Variants in BTC observed in about 807,000 individuals in gnomAD.
The protein encoded by BTC is probetacellulin.
In BTC, 13 loss-of-function variants were observed where a neutral mutation model predicts 18.1. The ratio of observed to expected loss-of-function variants is 0.72; its 90% CI spans 0.47 to 1.14. The LOEUF is 1.14. BTC is among the 50% of genes most tolerant of loss of function. The pLI is 0.00. For missense variants in BTC, 247 were observed against 224.2 expected, an observed-to-expected ratio of 1.10 and a Z score of -0.65; for synonymous variants, 83 against 79.4, an observed-to-expected ratio of 1.05 and a Z score of -0.24.
At chr4:74,748,234 G>A in intron 4 of BTC, 85 bp from the exon 5 acceptor site, 1 of 870,090 alleles carries the variant, frequency 1.1e-6, no homozygotes, top group Non-Finnish European at 1.8e-6. Flanking sequence ...CTATGATCAG[G>A]TTTCTTTTTT....
intron 2 of BTC, 66 bp from the exon 3 acceptor site, chr4:74,756,042 A>T: frequency 7.7e-7 from 1 of 1,306,376 alleles, no homozygotes; most frequent in Non-Finnish European, 1.1e-6. Flanking sequence ...ATAGAATCAT[A>T]TTCTTATCTT....
In BTC at chr4:74,746,151, G is replaced by T. The variant is rs1340157517; in HGVS notation, c.*526C>A. On this transcript the variant is annotated 3_prime_UTR_variant, in exon 6 of 6. Transcript: ENST00000395743. Reference sequence around the variant, plus strand: ...TGATTTAGATAAATCTTGATTTCTAGTCTGTCTCTACCAATCTCCAACTCT... The same window carrying T: ...TGATTTAGATAAATCTTGATTTCTATTCTGTCTCTACCAATCTCCAACTCT... 6.6e-6 allele frequency: 1 copy of T among 152,122 alleles called. No individual in the cohort carries two copies. Among genetic ancestry groups the T allele is most frequent in the Admixed American group, 6.5e-5 (1 of 15,276 alleles). The allele number at this position is 152,122 out of a possible 1,614,324, so 9.4% of individuals were successfully genotyped here. A position where few individuals can be genotyped will look rare whatever the true frequency, so the allele number is the denominator to read the frequency against.
intron 1 of BTC, among the ~76,000 whole-genome samples, chr4:74,770,759 G>A (rs1305168803): frequency 6.6e-6 from 1 of 151,990 alleles, no homozygotes; most frequent in African/African-American, 2.4e-5. Flanking sequence ...TGTAGATACT[G>A]ATTCAAACAA....
intron 1 of BTC, among the ~76,000 whole-genome samples, chr4:74,785,446 T>A (rs183610073): frequency 9.6e-4 from 146 of 152,264 alleles, no homozygotes; most frequent in East Asian, 7.5e-3. Context: ...TCTTGGGTAT[T>A]TTTTTGTCTT....
intron 2 of BTC, among the ~76,000 whole-genome samples, chr4:74,758,165 G>C (rs1724653564): frequency 6.6e-6 from 1 of 152,192 alleles, no homozygotes; most frequent in Admixed American, 6.5e-5. Context: ...GCAGGCAGTG[G>C]GAGGCAGATT....
intron 2 of BTC, among the ~76,000 whole-genome samples, chr4:74,769,431 T>C (rs985010976): frequency 6.6e-6 from 1 of 152,094 alleles, no homozygotes; most frequent in South Asian, 2.1e-4. Context: ...TTGCATAGTG[T>C]CTATGACTGC....
chr4:74,776,797 T>G (rs1373869819), intron 1 of BTC, among the ~76,000 whole-genome samples: 1 of 152,212 alleles, frequency 6.6e-6, no homozygotes. Context: ...TAGAGCCAAG[T>G]GCATTTTGTA....
At chr4:74,774,509 C>A (rs1475573716) in intron 1 of BTC, among the ~76,000 whole-genome samples, 1 of 151,640 alleles carries the variant, frequency 6.6e-6, no homozygotes, top group Non-Finnish European at 1.5e-5. Flanking sequence ...TTAGTACTAT[C>A]TGATTTTTTA....
chr4:74,761,134 GA>G (rs71657340), intron 2 of BTC, among the ~76,000 whole-genome samples: 19 of 150,050 alleles, frequency 1.3e-4, no homozygotes, highest in African/African-American at 2.9e-4. Context: ...CCCTTTGGAG[GA>G]AAAAAAAAAG....
Position 74,745,276 on chromosome 4 carries a change from A to C in BTC, c.*1401T>G, listed in dbSNP as rs1724260830. ...ATGTATCATATGTAAGTACAGCCCC[A>C]GCTTCACTCAAAACACCATGGATGC... On this transcript the variant is annotated 3_prime_UTR_variant, in exon 6 of 6. Coordinates refer to ENST00000395743, the MANE Select transcript of BTC (RefSeq NM_001729.4). 2 of 152,226 alleles carry C rather than the reference A, an allele frequency of 1.3e-5. No homozygotes were observed. The highest frequency in any genetic ancestry group is 1.3e-4 in the Admixed American group (2 of 15,286). The allele number at this position is 152,226 out of a possible 1,614,324, so 9.4% of individuals were successfully genotyped here. A position where few individuals can be genotyped will look rare whatever the true frequency, so the allele number is the denominator to read the frequency against.
chr4:74,753,874 C>A lies in BTC; in HGVS notation c.281+1985G>T, dbSNP rs150656318. 5.3e-3 allele frequency among the ~76,000 whole-genome samples: 802 copies of A among 152,170 alleles called. 3 individuals are homozygous for A. Among genetic ancestry groups the A allele is most frequent in the Middle Eastern group, 0.01 (3 of 294 alleles). ...AAAAGTGGGAACTTTTTATTTATGG[C>A]ATACTTAAATATGTTCTTAAAAAGT... On this transcript the variant is annotated intron_variant, in intron 3 of 5. Transcript: ENST00000395743.
At chr4:74,776,470 G>A (rs1725178759) in intron 1 of BTC, among the ~76,000 whole-genome samples, 1 of 152,142 alleles carries the variant, frequency 6.6e-6, no homozygotes, top group African/African-American at 2.4e-5. Flanking sequence ...AAAAGGAAAA[G>A]AAATCCAATT....
chr4:74,757,951 T>C (rs4859417), intron 2 of BTC, among the ~76,000 whole-genome samples: 70,126 of 152,008 alleles, frequency 0.46, 16,557 homozygotes, highest in East Asian at 0.62. Flanking sequence ...ATTCCTGGGA[T>C]AGTAAACTCC....
rs374140347 is a variant in BTC at position 74,771,523 on chromosome 4, CA to C, written c.65-1368del. Among the ~76,000 whole-genome samples, 25 of 152,288 alleles carry C rather than the reference CA, an allele frequency of 1.6e-4. No individual in the cohort carries two copies. The East Asian group carries it at 4.2e-3, about 26-fold the overall frequency. ...CCCCCAAGTTGTGGAGCCAATTAAC[CA>C]TAACACAAAGTGCTACTACTGTACC... On this transcript the variant is annotated intron_variant, in intron 1 of 5. Transcript: ENST00000395743.
chr4:74,784,553 C>T (rs987381726), intron 1 of BTC, among the ~76,000 whole-genome samples: 1 of 152,158 alleles, frequency 6.6e-6, no homozygotes, highest in African/African-American at 2.4e-5. Flanking sequence ...ATGATACCGG[C>T]TGTGGGTTTG....
rs1401810038 is a variant in BTC, at chr4:74,746,650, C to T, written c.*27G>A. On this transcript the variant is annotated 3_prime_UTR_variant, in exon 6 of 6. Coordinates refer to ENST00000395743, the MANE Select transcript of BTC (RefSeq NM_001729.4). ...GAGCAAGGCACTTTGCAGCTTGCCA[C>T]CAACCTGGAGGTAACTTCATAGCCT... 4.6e-5 allele frequency: 7 copies of T among 152,614 alleles called. No homozygotes were observed. Among genetic ancestry groups the T allele is most frequent in the Non-Finnish European group, 8.8e-5 (6 of 68,036 alleles). The allele number at this position is 152,614 out of a possible 1,614,324, so 9.5% of individuals were successfully genotyped here. A position where few individuals can be genotyped will look rare whatever the true frequency, so the allele number is the denominator to read the frequency against.
chr4:74,760,081 T>G (rs1553957134), intron 2 of BTC, among the ~76,000 whole-genome samples: 2 of 152,242 alleles, frequency 1.3e-5, no homozygotes, highest in Non-Finnish European at 2.9e-5. Context: ...TCCAAATGTA[T>G]TCAATAATTT....
In BTC at chr4:74,778,131, C is replaced by A. The variant is rs1725225724; in HGVS notation, c.65-7975G>T. Among the ~76,000 whole-genome samples the A allele has an allele frequency of 3.9e-5, 6 of 152,094 alleles. No homozygotes were observed. The South Asian group carries it at 1.2e-3, about 31-fold the overall frequency. ...AATGGGTGTAATGTTACAGCGTTCT[C>A]CTTTTTTGTTAACTCCTTTTCTATC... On this transcript the variant is annotated intron_variant, in intron 1 of 5. Coordinates refer to ENST00000395743, the MANE Select transcript of BTC (RefSeq NM_001729.4).
At chr4:74,774,739 A>C (rs918261578) in intron 1 of BTC, among the ~76,000 whole-genome samples, 2 of 152,140 alleles carry the variant, frequency 1.3e-5, no homozygotes, top group Non-Finnish European at 2.9e-5. Context: ...AGGCAACCAA[A>C]GGTCTCAATG....
Sources: gnomAD v4.1 joint callset for allele counts (sites outside exome capture counted in the v4.1 genomes callset) on GRCh38, gnomAD v4.1.1 for gene constraint, MANE v1.5 for transcripts, NCBI Gene and HGNC (gene_info 2026-07-23, HGNC 2026-07-21) for gene names.